MACROD2: variants seen among roughly 807,000 people sequenced by gnomAD.
MACROD2 encodes mono-ADP ribosylhydrolase 2, also known as ADP-ribose glycohydrolase MACROD2.
A neutral mutation model predicts 70.4 loss-of-function variants in MACROD2; 36 were observed. The observed-to-expected ratio is 0.51, with a 90% CI of 0.39 to 0.68. The LOEUF is 0.68. Among genes scored for constraint, MACROD2 ranks in the 30% least tolerant of loss-of-function variants. The probability of loss-of-function intolerance (pLI) is 0.00; values close to 1 mark genes in which losing one functional copy is unlikely to be tolerated. For missense variants in MACROD2, 496 were observed against 538.4 expected, an observed-to-expected ratio of 0.92 and a Z score of 0.78; for synonymous variants, 172 against 178.8, an observed-to-expected ratio of 0.96 and a Z score of 0.30.
intron 8 of MACROD2, among the ~76,000 whole-genome samples, chr20:15,846,252 T>G (rs1024641033): frequency 2.6e-5 from 4 of 152,200 alleles, no homozygotes; most frequent in African/African-American, 9.7e-5. Context: ...GGTCCCCATT[T>G]AGAATATTCA....
intron 4 of MACROD2, among the ~76,000 whole-genome samples, chr20:14,635,377 G>A (rs983950817): frequency 6.6e-6 from 1 of 152,078 alleles, no homozygotes; most frequent in Non-Finnish European, 1.5e-5. Flanking sequence ...ACCTAGAAAA[G>A]TCACTAAAAT....
chr20:15,376,774 A>G (rs530801749), intron 6 of MACROD2, among the ~76,000 whole-genome samples: 1 of 152,402 alleles, frequency 6.6e-6, no homozygotes, highest in Non-Finnish European at 1.5e-5. Flanking sequence ...GTTCAAAGTC[A>G]GACAACTAGT....
intron 5 of MACROD2, among the ~76,000 whole-genome samples, chr20:14,840,633 C>G (rs1433561515): frequency 6.6e-6 from 1 of 151,982 alleles, no homozygotes; most frequent in Non-Finnish European, 1.5e-5. Context: ...TCAGCCAGAA[C>G]AACATACATT....
At chr20:15,365,616 G>C (rs529913740) in intron 6 of MACROD2, among the ~76,000 whole-genome samples, 1 of 150,928 alleles carries the variant, frequency 6.6e-6, no homozygotes, top group Non-Finnish European at 1.5e-5. Context: ...AGCCGAGATC[G>C]CACCACTGCA....
rs752109661 is a variant in MACROD2, at chr20:15,824,494, G to A, written c.646-38251G>A. 8.5e-5 allele frequency among the ~76,000 whole-genome samples: 13 copies of A among 152,174 alleles called. No individual in the cohort carries two copies. The East Asian group carries it at 2.1e-3, about 25-fold the overall frequency. On this transcript the variant is annotated intron_variant, in intron 8 of 17. Coordinates refer to ENST00000684519, the MANE Select transcript of MACROD2 (RefSeq NM_001351661.2). ...AATGAAAATTATGTGTTTAGAAGGC[G>A]GGAAAGCAAAGTATTTTTTCTTCAC...
chr20:14,806,819 T>G (rs2072644929), intron 5 of MACROD2, among the ~76,000 whole-genome samples: 2 of 152,096 alleles, frequency 1.3e-5, no homozygotes, highest in African/African-American at 4.8e-5. Flanking sequence ...TAAACAAAGC[T>G]GCTGGGAAGT....
chr20:15,135,962 T>C (rs1012569934), intron 5 of MACROD2, among the ~76,000 whole-genome samples: 4 of 150,386 alleles, frequency 2.7e-5, no homozygotes, highest in African/African-American at 7.3e-5. Flanking sequence ...CCATTCACAA[T>C]TGCTTCAAAG....
intron 3 of MACROD2, among the ~76,000 whole-genome samples, chr20:14,253,553 A>G (rs1206437713): frequency 6.6e-6 from 1 of 152,096 alleles, no homozygotes; most frequent in Admixed American, 6.6e-5. Flanking sequence ...ATATTTTCAT[A>G]AAAGCTACTT....
chr20:14,355,858 G>C (rs1255716962), intron 3 of MACROD2, among the ~76,000 whole-genome samples: 4 of 152,176 alleles, frequency 2.6e-5, no homozygotes, highest in Non-Finnish European at 4.4e-5. Flanking sequence ...AGATTATTGG[G>C]AGTGGAGAGG....
chr20:15,817,393 C>A (rs925152216), intron 8 of MACROD2, among the ~76,000 whole-genome samples: 1 of 152,150 alleles, frequency 6.6e-6, no homozygotes, highest in Non-Finnish European at 1.5e-5. Flanking sequence ...AATTGATCAG[C>A]CTCCCTGAAT....
intron 6 of MACROD2, among the ~76,000 whole-genome samples, chr20:15,402,289 A>G (rs994565619): frequency 9.2e-5 from 14 of 152,212 alleles, no homozygotes; most frequent in Non-Finnish European, 1.8e-4. Flanking sequence ...GAGGAAGTTA[A>G]AAGATAAACT....
intron 3 of MACROD2, among the ~76,000 whole-genome samples, chr20:14,421,793 A>G (rs1020200130): frequency 6.6e-6 from 1 of 151,902 alleles, no homozygotes; most frequent in South Asian, 2.1e-4. Flanking sequence ...TTTAAAATTT[A>G]TTGCAATTTG....
chr20:14,820,033 T>A (rs892515216), intron 5 of MACROD2, among the ~76,000 whole-genome samples: 1 of 152,076 alleles, frequency 6.6e-6, no homozygotes, highest in African/African-American at 2.4e-5. Context: ...CTGATGATCA[T>A]CCCGGAGTGC....
intron 3 of MACROD2, among the ~76,000 whole-genome samples, chr20:14,228,165 A>ATG (rs1179950246): frequency 5.0e-4 from 4 of 8,032 alleles, no homozygotes; most frequent in African/African-American, 1.2e-3. Flanking sequence ...TTTTCTATGT[A>ATG]TATATATAGA....
intron 8 of MACROD2, among the ~76,000 whole-genome samples, chr20:15,733,747 A>G (rs2050979240): frequency 6.6e-6 from 1 of 152,156 alleles, no homozygotes; most frequent in Non-Finnish European, 1.5e-5. Flanking sequence ...CACACTAATA[A>G]ATATGAGAAG....
chr20:14,312,649 C>A (rs898484912), intron 3 of MACROD2, among the ~76,000 whole-genome samples: 1 of 152,306 alleles, frequency 6.6e-6, no homozygotes, highest in Non-Finnish European at 1.5e-5. Context: ...TTAACCCCTG[C>A]AATATATTGC....
intron 4 of MACROD2, among the ~76,000 whole-genome samples, chr20:14,610,649 C>T (rs938916620): frequency 3.9e-5 from 6 of 152,048 alleles, no homozygotes; most frequent in Non-Finnish European, 8.8e-5. Flanking sequence ...TTACTATTAT[C>T]TATTTTAAAT....
chr20:14,503,117 C>T (rs429495), intron 4 of MACROD2, among the ~76,000 whole-genome samples: 1 of 152,022 alleles, frequency 6.6e-6, no homozygotes, highest in African/African-American at 2.4e-5. Context: ...CAGGCACATG[C>T]TTGGCACTGG....
chr20:14,455,726 A>C (rs1424757272), intron 3 of MACROD2, among the ~76,000 whole-genome samples: 1 of 151,616 alleles, frequency 6.6e-6, no homozygotes, highest in Admixed American at 6.6e-5. Flanking sequence ...CCTAACTATA[A>C]AGTTTATTTA....
Sources: allele counts gnomAD v4.1 joint callset (sites outside exome capture counted in the v4.1 genomes callset), GRCh38; gene constraint gnomAD v4.1.1; transcripts MANE v1.5; gene names NCBI Gene and HGNC (gene_info 2026-07-23, HGNC 2026-07-21).